Variants in DOCK1 observed in about 807,000 individuals in gnomAD.
The protein encoded by DOCK1 is dedicator of cytokinesis 1.
Under a neutral mutation model 262.7 loss-of-function variants are expected in DOCK1, and 138 were observed. The ratio of observed to expected loss-of-function variants is 0.53; its 90% CI spans 0.46 to 0.61. The LOEUF is 0.61. DOCK1 is among the 20% of genes least tolerant of loss of function. The pLI, the probability that DOCK1 is intolerant of heterozygous loss-of-function variation, is 0.00. For missense variants in DOCK1, 1,908 were observed against 2,370.7 expected (o/e 0.80, Z 4.05); for synonymous variants, 866 against 867.4 (o/e 1.00, Z 0.03).
At chr10:127,259,874 C>T (rs2059961460) in intron 29 of DOCK1, among the ~76,000 whole-genome samples, 1 of 150,412 alleles carries the variant, frequency 6.6e-6, no homozygotes, top group Non-Finnish European at 1.5e-5. Context: ...ACTTCACTGT[C>T]TTCCTCCTGC....
At chr10:127,406,312 G>C (rs928255042) in intron 40 of DOCK1, among the ~76,000 whole-genome samples, 8 of 152,218 alleles carry the variant, frequency 5.3e-5, no homozygotes, top group African/African-American at 1.9e-4. Flanking sequence ...CGAGCCAATA[G>C]ATGCCAGGTT....
chr10:127,357,911 T>C (rs548101463), intron 32 of DOCK1, among the ~76,000 whole-genome samples: 8 of 152,118 alleles, frequency 5.3e-5, no homozygotes, highest in African/African-American at 1.9e-4. Context: ...GGTGCCTGAG[T>C]GTCTTTGCCA....
intron 27 of DOCK1, chr10:127,138,050 C>A: frequency 1.3e-6 from 2 of 1,566,718 alleles, no homozygotes; most frequent in South Asian, 1.2e-5. Flanking sequence ...AAGACTTTAG[C>A]ATTTGATCTT....
At chr10:127,359,925 G>A (rs1361863921) in intron 32 of DOCK1, among the ~76,000 whole-genome samples, 2 of 152,074 alleles carry the variant, frequency 1.3e-5, no homozygotes, top group African/African-American at 2.4e-5. Context: ...TTAAAATACT[G>A]CACATATTTT....
At chr10:126,918,882 G>A (rs2032829491) in intron 1 of DOCK1, among the ~76,000 whole-genome samples, 1 of 152,016 alleles carries the variant, frequency 6.6e-6, no homozygotes, top group African/African-American at 2.4e-5. Flanking sequence ...AGGGTGTGCA[G>A]GTGGGCACGG....
chr10:127,189,988 A>C (rs1458297494), intron 27 of DOCK1, among the ~76,000 whole-genome samples: 2 of 151,948 alleles, frequency 1.3e-5, no homozygotes, highest in Admixed American at 1.3e-4. Context: ...GGCCCGATGA[A>C]CTCTCCAGTT....
Position 127,357,472 on chromosome 10 carries a change from G to A in DOCK1, c.3283+2745G>A, listed in dbSNP as rs553607642. On this transcript the variant is annotated intron_variant, in intron 32 of 51. Coordinates refer to ENST00000623213, the MANE Select transcript of DOCK1 (RefSeq NM_001290223.2). ...ACTTGGGTCTGACACAGAGCACTTG[G>A]TTCTCTTGACGTTATCTGTCATGCT... 2.1e-3 allele frequency among the ~76,000 whole-genome samples: 317 copies of A among 152,280 alleles called. 3 individuals are homozygous for A. The highest frequency in any genetic ancestry group is 7.5e-3 in the African/African-American group (310 of 41,564).
intron 25 of DOCK1, among the ~76,000 whole-genome samples, chr10:127,110,817 T>C (rs530791568): frequency 6.6e-6 from 1 of 152,348 alleles, no homozygotes; most frequent in East Asian, 1.9e-4. Flanking sequence ...CTTCAACTCA[T>C]TTATCCTGCA....
At chr10:127,325,569 T>C (rs2062715947) in intron 29 of DOCK1, among the ~76,000 whole-genome samples, 1 of 152,226 alleles carries the variant, frequency 6.6e-6, no homozygotes, top group African/African-American at 2.4e-5. Context: ...GTCCCTGCTT[T>C]AACCACCATA....
chr10:127,068,894 C>A (rs761006947), intron 23 of DOCK1, among the ~76,000 whole-genome samples: 5 of 152,196 alleles, frequency 3.3e-5, no homozygotes, highest in Non-Finnish European at 7.3e-5. Context: ...TGAAAGGTTA[C>A]ACATTGCCTC....
chr10:127,435,712 C>T (rs1005626837), intron 48 of DOCK1, among the ~76,000 whole-genome samples: 4 of 152,172 alleles, frequency 2.6e-5, no homozygotes, highest in African/African-American at 9.7e-5. Context: ...GCTGCTGGCT[C>T]TTCCCCAGAA....
At chr10:127,156,963 A>G (rs2053146595) in intron 27 of DOCK1, among the ~76,000 whole-genome samples, 1 of 152,196 alleles carries the variant, frequency 6.6e-6, no homozygotes, top group Admixed American at 6.5e-5. Context: ...GTAAGCAAAT[A>G]GTTATTAAGT....
intron 29 of DOCK1, among the ~76,000 whole-genome samples, chr10:127,302,012 C>T (rs1021790071): frequency 2.6e-5 from 4 of 151,792 alleles, no homozygotes; most frequent in Non-Finnish European, 4.4e-5. Context: ...TTTGTGTGTG[C>T]CTTCCCTTTT....
At chr10:127,132,812 G>T (rs2050404342) in intron 27 of DOCK1, among the ~76,000 whole-genome samples, 1 of 152,190 alleles carries the variant, frequency 6.6e-6, no homozygotes, top group Non-Finnish European at 1.5e-5. Flanking sequence ...ATGTAATCGA[G>T]TGAGAAGGAC....
chr10:127,139,147 T>C lies in DOCK1; in HGVS notation c.2847+11383T>C, dbSNP rs1452625102. Among the ~76,000 whole-genome samples, 7 of 152,342 alleles carry C rather than the reference T, an allele frequency of 4.6e-5. No homozygotes were observed. The East Asian group carries it at 1.4e-3, about 29-fold the overall frequency. ...TTCAGTAAAGGCTCAGCGTTGATGA[T>C]AATGCATGAGCTCATAACATTTTAT... On this transcript the variant is annotated intron_variant, in intron 27 of 51. Coordinates refer to ENST00000623213, the MANE Select transcript of DOCK1 (RefSeq NM_001290223.2).
Position 127,106,284 on chromosome 10 carries a change from T to A in DOCK1, c.2499T>A (p.Phe833Leu), listed in dbSNP as rs750609368. The change falls in exon 24 of 52, where the codon TTT becomes TTA. Residue 833 changes from phenylalanine (F) to leucine (L), a missense_variant. Phe to Leu is a conservative substitution (Grantham distance 22). Coordinates refer to ENST00000623213, the MANE Select transcript of DOCK1 (RefSeq NM_001290223.2). ...PTIVNDVKLV[F>L]DPKELSKMFT... ...TCGTCAACGATGTGAAATTGGTGTTTGATCCCAAAGAGCTCAGGTAAGTAT... is the reference window on the plus strand; with the variant it reads ...TCGTCAACGATGTGAAATTGGTGTTAGATCCCAAAGAGCTCAGGTAAGTAT... 9.4e-6 allele frequency: 15 copies of A among 1,597,604 alleles called. No individual in the cohort carries two copies. Among genetic ancestry groups the A allele is most frequent in the Admixed American group, 6.9e-5 (4 of 57,970 alleles).
chr10:127,016,118 T>A (rs907826892), intron 12 of DOCK1: 3 of 152,256 alleles, frequency 2.0e-5, no homozygotes, highest in Non-Finnish European at 4.4e-5. Flanking sequence ...ATGGAGTTAG[T>A]GTTTGACCGT....
chr10:127,201,325 G>A (rs2057448761), intron 27 of DOCK1, among the ~76,000 whole-genome samples: 1 of 152,182 alleles, frequency 6.6e-6, no homozygotes, highest in Admixed American at 6.5e-5. Context: ...CACGGTCCTG[G>A]CAGCCGAGCC....
At chr10:127,238,207 G>A (rs181586741) in intron 27 of DOCK1, among the ~76,000 whole-genome samples, 10 of 152,318 alleles carry the variant, frequency 6.6e-5, no homozygotes, top group Admixed American at 5.9e-4. Flanking sequence ...CCCACCATTT[G>A]TCTTGTCAAA....
Sources: allele counts gnomAD v4.1 joint callset (sites outside exome capture counted in the v4.1 genomes callset), GRCh38; gene constraint gnomAD v4.1.1; transcripts MANE v1.5; gene names NCBI Gene and HGNC (gene_info 2026-07-23, HGNC 2026-07-21).